HLCS: variants seen among roughly 807,000 people sequenced by gnomAD.
HLCS encodes the protein holocarboxylase synthetase, also known as biotin--protein ligase.
A neutral mutation model predicts 75.0 loss-of-function variants in HLCS; 53 were observed. The ratio of observed to expected loss-of-function variants is 0.71; its 90% CI spans 0.57 to 0.89. The LOEUF (loss-of-function observed/expected upper bound fraction) is 0.89, where lower values mean the gene tolerates loss of function less well. HLCS is among the 40% of genes least tolerant of loss of function. The pLI is 0.00. For synonymous variants in HLCS, 431 were observed against 428.6 expected, an observed-to-expected ratio of 1.01 and a Z score of -0.07; for missense variants, 966 against 1,074.0, an observed-to-expected ratio of 0.90 and a Z score of 1.41.
At chr21:36,981,902 T>C (rs2069129213) in intron 1 of HLCS, among the ~76,000 whole-genome samples, 1 of 152,134 alleles carries the variant, frequency 6.6e-6, no homozygotes, top group Non-Finnish European at 1.5e-5. Flanking sequence ...ATTAGAATAC[T>C]CTCTCCCAAA....
intron 6 of HLCS, 81 bp downstream of exon 6, chr21:36,896,779 C>T: frequency 6.7e-7 from 1 of 1,489,352 alleles, no homozygotes; most frequent in Non-Finnish European, 9.4e-7. Context: ...ACAACTCTAT[C>T]CCCTCCCCGT....
intron 6 of HLCS, among the ~76,000 whole-genome samples, chr21:36,861,360 A>G (rs2063375884): frequency 6.6e-6 from 1 of 152,144 alleles, no homozygotes; most frequent in Non-Finnish European, 1.5e-5. Context: ...ATACTCTTTC[A>G]CCAAAAGATG....
intron 1 of HLCS, 141 bp from the exon 2 acceptor site, chr21:36,962,311 G>A (rs1202108159): frequency 2.3e-5 from 11 of 479,422 alleles, no homozygotes; most frequent in Middle Eastern, 7.4e-4. Context: ...TCTGCAGGCC[G>A]CAGGAACCGT....
chr21:36,886,770 G>A (rs1445594003), intron 6 of HLCS, among the ~76,000 whole-genome samples: 1 of 152,106 alleles, frequency 6.6e-6, no homozygotes, highest in Non-Finnish European at 1.5e-5. Context: ...TGGGATTAAT[G>A]CCCTTCTATC....
chr21:36,922,567 C>T (rs2066218802), intron 5 of HLCS, among the ~76,000 whole-genome samples: 1 of 152,168 alleles, frequency 6.6e-6, no homozygotes, highest in Non-Finnish European at 1.5e-5. Flanking sequence ...AGGAGTCTTC[C>T]CTTCTTATCT....
At chr21:36,898,733 C>T (rs1455165835) in intron 5 of HLCS, among the ~76,000 whole-genome samples, 1 of 152,098 alleles carries the variant, frequency 6.6e-6, no homozygotes, top group African/African-American at 2.4e-5. Flanking sequence ...AGACAGCAAA[C>T]TGGAATTACT....
chr21:36,814,137 T>C (rs1409196062), intron 6 of HLCS, among the ~76,000 whole-genome samples: 1 of 152,166 alleles, frequency 6.6e-6, no homozygotes, highest in Non-Finnish European at 1.5e-5. Context: ...CACCTCCTCC[T>C]GCTCTCCCCC....
intron 2 of HLCS, among the ~76,000 whole-genome samples, chr21:36,945,766 A>G (rs918433806): frequency 6.6e-6 from 1 of 152,230 alleles, no homozygotes; most frequent in Non-Finnish European, 1.5e-5. Context: ...TGAATATACT[A>G]AAAACTACTG....
intron 6 of HLCS, among the ~76,000 whole-genome samples, chr21:36,835,010 G>A (rs1190320056): frequency 6.6e-6 from 1 of 152,172 alleles, no homozygotes; most frequent in Non-Finnish European, 1.5e-5. Context: ...AAGCCTTCTC[G>A]AGAACAGAAG....
rs141817076 is a variant in HLCS at position 36,939,028 on chromosome 21, A to C, written c.331-34T>G. Reference sequence around the variant, plus strand: ...AAGCAGGAGAGGGAGGAGGTGGGAAAAGACAGGTTGAGATTTTTCTTCTCT... The same window carrying C: ...AAGCAGGAGAGGGAGGAGGTGGGAACAGACAGGTTGAGATTTTTCTTCTCT... On this transcript the variant is annotated intron_variant, in intron 2 of 10. Coordinates refer to ENST00000674895, the MANE Select transcript of HLCS (RefSeq NM_001352514.2). 13 of 1,572,070 alleles carry C rather than the reference A, an allele frequency of 8.3e-6. No homozygotes were observed. The East Asian group carries it at 3.0e-4, about 37-fold the overall frequency.
intron 4 of HLCS, among the ~76,000 whole-genome samples, chr21:36,933,673 C>G (rs2066751698): frequency 1.3e-5 from 2 of 151,842 alleles, no homozygotes; most frequent in African/African-American, 4.8e-5. Context: ...AGCGGCGAGA[C>G]CCGTTTAATT....
chr21:36,937,914 G>C (rs1488116719), intron 3 of HLCS, among the ~76,000 whole-genome samples: 1 of 152,146 alleles, frequency 6.6e-6, no homozygotes, highest in African/African-American at 2.4e-5. Flanking sequence ...AACATTTATT[G>C]AGCACTTGCT....
chr21:36,869,650 A>T (rs1163219299), intron 6 of HLCS, among the ~76,000 whole-genome samples: 2 of 152,226 alleles, frequency 1.3e-5, no homozygotes, highest in African/African-American at 4.8e-5. Context: ...TCTACTTTTG[A>T]TCATTCTCAT....
At position 36,896,181 on chromosome 21, in the gene HLCS, C is replaced by T. The variant is rs564968677; in HGVS notation, c.1892+679G>A. Reference sequence around the variant, plus strand: ...CCTGGGCAACATGGTGAAACCCTGTCTCTACTAAAAATACAAAACTTAGCT... The same window carrying T: ...CCTGGGCAACATGGTGAAACCCTGTTTCTACTAAAAATACAAAACTTAGCT... On this transcript the variant is annotated intron_variant, in intron 6 of 10. Transcript: ENST00000674895. Among the ~76,000 whole-genome samples the T allele has an allele frequency of 2.0e-5, 3 of 152,264 alleles. No homozygotes were observed. In the East Asian group the frequency reaches 5.8e-4, roughly 29 times the overall value.
intron 1 of HLCS, 150 bp from the exon 2 acceptor site, chr21:36,962,320 G>C (rs780384788): frequency 2.2e-6 from 1 of 459,004 alleles, no homozygotes; most frequent in African/African-American, 2.1e-5. Context: ...CGCAGGAACC[G>C]TGTGTTTCTT....
At chr21:36,846,062 ACTCAATAAATGTTGAGT>A (rs1323216472) in intron 6 of HLCS, among the ~76,000 whole-genome samples, 2 of 152,200 alleles carry the variant, frequency 1.3e-5, no homozygotes, top group African/African-American at 4.8e-5. Flanking sequence ...CAAAGTAGGT[ACTCAATAAATGTTGAGT>A]TCCTAAAGGT....
chr21:36,762,953 G>T (rs527531854), intron 8 of HLCS, among the ~76,000 whole-genome samples: 1 of 152,184 alleles, frequency 6.6e-6, no homozygotes, highest in Non-Finnish European at 1.5e-5. Context: ...TAATGTTCTC[G>T]GCTTAGTGTT....
chr21:36,856,480 T>A (rs1188918062), intron 6 of HLCS, among the ~76,000 whole-genome samples: 1 of 152,162 alleles, frequency 6.6e-6, no homozygotes, highest in Non-Finnish European at 1.5e-5. Flanking sequence ...CAAAATAGAA[T>A]CTATCTCAGA....
At chr21:36,877,982 T>A (rs2064050102) in intron 6 of HLCS, among the ~76,000 whole-genome samples, 1 of 152,138 alleles carries the variant, frequency 6.6e-6, no homozygotes, top group Admixed American at 6.5e-5. Context: ...GAAATGCTGT[T>A]TTCCTCAGAT....
Sources: gnomAD v4.1 joint callset for allele counts (sites outside exome capture counted in the v4.1 genomes callset) on GRCh38, gnomAD v4.1.1 for gene constraint, MANE v1.5 for transcripts, NCBI Gene and HGNC (gene_info 2026-07-23, HGNC 2026-07-21) for gene names.